MOSMO: variants seen among roughly 807,000 people sequenced by gnomAD.
MOSMO encodes the protein modulator of smoothened.
Under a neutral mutation model 18.4 loss-of-function variants are expected in MOSMO, and 5 were observed. The ratio of observed to expected loss-of-function variants is 0.27; its 90% confidence interval spans 0.14 to 0.57. The LOEUF (loss-of-function observed/expected upper bound fraction) is 0.57, where lower values mean the gene tolerates loss of function less well. MOSMO is among the 20% of genes least tolerant of loss of function. The pLI, the probability that MOSMO is intolerant of heterozygous loss-of-function variation, is 0.92. For missense variants in MOSMO, 138 were observed against 211.8 expected, an observed-to-expected ratio of 0.65 and a Z score of 2.16; for synonymous variants, 82 against 82.3, an observed-to-expected ratio of 1.00 and a Z score of 0.02.
intron 1 of MOSMO, among the ~76,000 whole-genome samples, chr16:22,042,920 A>T (rs767980707): frequency 6.6e-6 from 1 of 152,252 alleles, no homozygotes; most frequent in Non-Finnish European, 1.5e-5. Context: ...GCTTCAGGTC[A>T]TAGAGGAAAG....
chr16:22,044,262 T>C lies in MOSMO; in HGVS notation c.107-31225T>C, dbSNP rs374440796. Among the ~76,000 whole-genome samples, 142 of 152,316 alleles carry C rather than the reference T, an allele frequency of 9.3e-4. 5 individuals are homozygous for C. In the South Asian group the frequency reaches 0.029, roughly 31 times the overall value. On this transcript the variant is annotated intron_variant, in intron 1 of 2. Coordinates refer to ENST00000542527, the MANE Select transcript of MOSMO (RefSeq NM_001164579.2). Reference sequence around the variant, plus strand: ...GAGTACTACCCACTGAAGGGATACATGTTTACCTGTTCCCCCAAGTTAGGT... The same window carrying C: ...GAGTACTACCCACTGAAGGGATACACGTTTACCTGTTCCCCCAAGTTAGGT...
rs1567495817 is a variant in MOSMO at position 22,008,325 on chromosome 16, A to G, written c.24A>G (p.Ser8=). MDKLTII[S]GCLFLAADIF... is the part of the protein sequence containing the mutation. ...AGATGGATAAACTGACCATCATCTCAGGATGTCTCTTTCTGGCCGCCGATA... is the reference window on the plus strand; with the variant it reads ...AGATGGATAAACTGACCATCATCTCGGGATGTCTCTTTCTGGCCGCCGATA... The change falls in exon 1 of 3, where the codon TCA becomes TCG. Residue 8 remains serine (S), a synonymous_variant. Coordinates refer to ENST00000542527, the MANE Select transcript of MOSMO (RefSeq NM_001164579.2). 5.2e-6 allele frequency: 8 copies of G among 1,529,520 alleles called. No individual in the cohort carries two copies. In the Admixed American group the frequency reaches 1.6e-4, roughly 30 times the overall value. 94.7% of individuals were successfully genotyped at this position (1,529,520 alleles called of 1,614,324 possible).
chr16:22,012,999 CTGTT>C (rs1206494604), intron 1 of MOSMO, among the ~76,000 whole-genome samples: 4 of 152,102 alleles, frequency 2.6e-5, no homozygotes, highest in African/African-American at 7.2e-5. Flanking sequence ...CTAATGAAGA[CTGTT>C]TGTGTTAGTG....
At chr16:22,078,654 G>A (rs903438783) in intron 2 of MOSMO, among the ~76,000 whole-genome samples, 2 of 152,122 alleles carry the variant, frequency 1.3e-5, no homozygotes, top group East Asian at 1.9e-4. Context: ...TGTTTCTTGA[G>A]ATTAGTCAAC....
chr16:22,054,577 G>A (rs895989224), intron 1 of MOSMO, among the ~76,000 whole-genome samples: 7 of 152,034 alleles, frequency 4.6e-5, no homozygotes, highest in Non-Finnish European at 8.8e-5. Flanking sequence ...CTGGAATTTT[G>A]TTCATGTTTT....
Position 22,075,538 on chromosome 16 carries a change from A to G in MOSMO, c.158A>G (p.Asp53Gly), listed in dbSNP as rs771621057. 2 of 1,537,154 alleles carry G rather than the reference A, an allele frequency of 1.3e-6. No homozygotes were observed. The highest frequency in any genetic ancestry group is 1.2e-5 in the South Asian group (1 of 84,064). ...CAGTGTCAAACAATCCATGGACGAG[A>G]CCGGACGTGCATCCCTCCCCGGCTT... The part of the protein sequence containing the change: ...VRQCQTIHGR[D>G]RTCIPPRLPP... The change falls in exon 2 of 3, where the codon GAC becomes GGC. Residue 53 changes from aspartate to glycine, a missense_variant. Physicochemically the swap from Asp to Gly is moderately conservative, Grantham distance 94. Coordinates refer to ENST00000542527, the MANE Select transcript of MOSMO (RefSeq NM_001164579.2).
intron 1 of MOSMO, among the ~76,000 whole-genome samples, chr16:22,047,435 G>A (rs1419392340): frequency 6.6e-6 from 1 of 151,630 alleles, no homozygotes; most frequent in Non-Finnish European, 1.5e-5. Flanking sequence ...TAGTAGAGAC[G>A]GGGTTTCACC....
chr16:22,015,299 C>T, intron 1 of MOSMO, among the ~76,000 whole-genome samples: 1 of 151,944 alleles, frequency 6.6e-6, no homozygotes, highest in East Asian at 1.9e-4. Flanking sequence ...TTCCCAGGCT[C>T]AAACTCCTGG....
intron 1 of MOSMO, among the ~76,000 whole-genome samples, chr16:22,067,891 A>C: frequency 1.5e-5 from 1 of 65,302 alleles, no homozygotes; most frequent in African/African-American, 1.0e-4. Context: ...AAAAGAAAGA[A>C]AAAAAAAAAA....
intron 1 of MOSMO, among the ~76,000 whole-genome samples, chr16:22,039,047 A>T (rs1421094772): frequency 6.6e-6 from 1 of 152,336 alleles, no homozygotes; most frequent in East Asian, 1.9e-4. Context: ...CCTAATAATC[A>T]TACTGAATCA....
rs1007112259 is a variant in MOSMO at position 22,082,135 on chromosome 16, C to A, written c.*1255C>A. 3.9e-5 allele frequency: 6 copies of A among 152,140 alleles called. No homozygotes were observed. The South Asian group carries it at 1.2e-3, about 31-fold the overall frequency. 9.4% of individuals were successfully genotyped at this position (152,140 alleles called of 1,614,324 possible). A position where few individuals can be genotyped will look rare whatever the true frequency, so the allele number is the denominator to read the frequency against. ...CTGGCTATTTTGGCTATTTACAACACTAATTTCATTATTTTTATCTGTAAG... is the reference window on the plus strand; with the variant it reads ...CTGGCTATTTTGGCTATTTACAACAATAATTTCATTATTTTTATCTGTAAG... On this transcript the variant is annotated 3_prime_UTR_variant, in exon 3 of 3. Coordinates refer to ENST00000542527, the MANE Select transcript of MOSMO (RefSeq NM_001164579.2).
At chr16:22,074,602 G>A (rs1900927247) in intron 1 of MOSMO, among the ~76,000 whole-genome samples, 1 of 152,118 alleles carries the variant, frequency 6.6e-6, no homozygotes, top group Non-Finnish European at 1.5e-5. Context: ...TCAAATAATT[G>A]CTCTGTCACC....
In MOSMO at chr16:22,063,958, T is replaced by C. The variant is rs567241839; in HGVS notation, c.107-11529T>C. Among the ~76,000 whole-genome samples, 4 of 152,334 alleles carry C rather than the reference T, an allele frequency of 2.6e-5. No individual in the cohort carries two copies. The South Asian group carries it at 8.3e-4, about 32-fold the overall frequency. ...ATGTGCTAGGAAGTTTTGAAGTGGG[T>C]AATTCAAAACCTGGGTTTTAGTCTC... On this transcript the variant is annotated intron_variant, in intron 1 of 2. Coordinates refer to ENST00000542527, the MANE Select transcript of MOSMO (RefSeq NM_001164579.2).
At chr16:22,070,823 G>A (rs1192526919) in intron 1 of MOSMO, among the ~76,000 whole-genome samples, 1 of 152,088 alleles carries the variant, frequency 6.6e-6, no homozygotes, top group Non-Finnish European at 1.5e-5. Flanking sequence ...TTGTTTTTGT[G>A]CTTCTACTCA....
chr16:22,051,924 C>G (rs980765321), intron 1 of MOSMO, among the ~76,000 whole-genome samples: 4 of 152,032 alleles, frequency 2.6e-5, no homozygotes, highest in African/African-American at 9.7e-5. Context: ...AGAAACCCCA[C>G]GCATTTGGTC....
At chr16:22,085,056 T>A (rs1901145495), downstream of MOSMO, 1 of 152,214 alleles carries the variant, frequency 6.6e-6, no homozygotes, top group Admixed American at 6.5e-5. Flanking sequence ...TCTACTTTAC[T>A]CCAGGCCAAA....
At chr16:22,085,506 TA>T (rs1901154863), downstream of MOSMO, 1 of 152,188 alleles carries the variant, frequency 6.6e-6, no homozygotes, top group Admixed American at 6.5e-5. Context: ...ATGGTAGATT[TA>T]TGCTGAGCTG....
downstream of MOSMO, among the ~76,000 whole-genome samples, chr16:22,088,634 A>G (rs1598032438): frequency 6.6e-6 from 1 of 152,236 alleles, no homozygotes; most frequent in Non-Finnish European, 1.5e-5. Flanking sequence ...GGAAACTAAC[A>G]GTAAATTCAT....
chr16:22,074,421 C>T (rs904056920), intron 1 of MOSMO, among the ~76,000 whole-genome samples: 13 of 151,866 alleles, frequency 8.6e-5, no homozygotes, highest in African/African-American at 2.9e-4. Flanking sequence ...GAATGTAGAC[C>T]AAAAAAATCC....
Sources: gnomAD v4.1 joint callset for allele counts (sites outside exome capture counted in the v4.1 genomes callset) on GRCh38, gnomAD v4.1.1 for gene constraint, MANE v1.5 for transcripts, NCBI Gene and HGNC (gene_info 2026-07-23, HGNC 2026-07-21) for gene names.